The following DCUN1D4 variants were observed in gnomAD, a reference collection of about 807,000 sequenced individuals.
DCUN1D4 encodes defective in cullin neddylation 1 domain containing 4, also known as DCN1-like protein 4.
Under a neutral mutation model 47.9 loss-of-function variants are expected in DCUN1D4, and 22 were observed. The observed-to-expected ratio is 0.46, with a 90% CI of 0.33 to 0.66. The LOEUF is 0.66. DCUN1D4 is among the 30% of genes least tolerant of loss of function. DCUN1D4 has a pLI of 0.02. For synonymous variants in DCUN1D4, 121 were observed against 112.2 expected (o/e 1.08, Z -0.50); for missense variants, 301 against 340.8 (o/e 0.88, Z 0.92).
At chr4:51,852,649 A>G (rs1012550949) in intron 1 of DCUN1D4, among the ~76,000 whole-genome samples, 7 of 152,174 alleles carry the variant, frequency 4.6e-5, no homozygotes, top group Non-Finnish European at 7.3e-5. Context: ...CTACGTTCTA[A>G]ATAATAATAG....
chr4:51,871,593 A>G (rs983955423), intron 3 of DCUN1D4, among the ~76,000 whole-genome samples: 1 of 152,210 alleles, frequency 6.6e-6, no homozygotes, highest in Non-Finnish European at 1.5e-5. Context: ...CTAAGAACCA[A>G]ACCGTGACTG....
chr4:51,901,238 A>T (rs538758965), intron 8 of DCUN1D4, among the ~76,000 whole-genome samples: 96 of 152,224 alleles, frequency 6.3e-4, no homozygotes, highest in African/African-American at 2.1e-3. Flanking sequence ...TTCCCTGTGT[A>T]TACGACACAG....
At chr4:51,887,035 G>T (rs1729599222) in intron 6 of DCUN1D4, 1 of 451,498 alleles carries the variant, frequency 2.2e-6, no homozygotes, top group Non-Finnish European at 4.4e-6. Context: ...TCATGATTTT[G>T]AGTAGATTGT....
At chr4:51,843,511 T>G in intron 1 of DCUN1D4, 5 of 1,258,634 alleles carry the variant, frequency 4.0e-6, no homozygotes, top group Non-Finnish European at 5.0e-6. Context: ...GGGTGGGGAC[T>G]GGCTCTCTTT....
chr4:51,836,463 T>C, the DCUN1D4 span, among the ~76,000 whole-genome samples: 1 of 152,206 alleles, frequency 6.6e-6, no homozygotes, highest in East Asian at 1.9e-4. Flanking sequence ...CCAAATTTAT[T>C]TCTTTTTCAA....
chr4:51,875,225 T>C (rs533486289), intron 4 of DCUN1D4: 24 of 152,298 alleles, frequency 1.6e-4, no homozygotes, highest in Admixed American at 1.3e-3. Flanking sequence ...GAAAATATTA[T>C]CTGAAAGAAG....
At chr4:51,847,259 G>A (rs191408169) in intron 1 of DCUN1D4, among the ~76,000 whole-genome samples, 4 of 152,092 alleles carry the variant, frequency 2.6e-5, no homozygotes, top group African/African-American at 4.8e-5. Context: ...AAGAATTAGG[G>A]GTGACTTGCT....
upstream of DCUN1D4, among the ~76,000 whole-genome samples, chr4:51,841,240 T>TAA (rs574624011): frequency 3.4e-5 from 5 of 147,614 alleles, no homozygotes; most frequent in Admixed American, 6.8e-5. Context: ...TGGTAAACGG[T>TAA]AAAAAAAAAA....
chr4:51,841,748 A>G (rs894497493), upstream of DCUN1D4, among the ~76,000 whole-genome samples: 10 of 152,094 alleles, frequency 6.6e-5, no homozygotes, highest in African/African-American at 2.4e-4. Flanking sequence ...CCTTCCAAAT[A>G]GCATAACATT....
intron 5 of DCUN1D4, among the ~76,000 whole-genome samples, chr4:51,882,874 C>T (rs1728888657): frequency 6.6e-6 from 1 of 151,792 alleles, no homozygotes; most frequent in Non-Finnish European, 1.5e-5. Context: ...TACAAAGTAA[C>T]TTTCCCCCCC....
upstream of DCUN1D4, among the ~76,000 whole-genome samples, chr4:51,839,186 AGAAGGAAG>A (rs35432661): frequency 1.5e-4 from 21 of 141,542 alleles, no homozygotes; most frequent in East Asian, 1.3e-3. Context: ...GGAAGAAAGG[AGAAGGAAG>A]GAAGGAAGGA....
chr4:51,898,083 T>C (rs1731539407), intron 7 of DCUN1D4, among the ~76,000 whole-genome samples: 1 of 152,194 alleles, frequency 6.6e-6, no homozygotes, highest in African/African-American at 2.4e-5. Flanking sequence ...GTGAGGTCTT[T>C]AGAGATCATT....
At chr4:51,887,166 T>C (rs1455411802) in intron 6 of DCUN1D4, 1 of 445,624 alleles carries the variant, frequency 2.2e-6, no homozygotes, top group Non-Finnish European at 4.5e-6. Flanking sequence ...AATGGTATGA[T>C]GTCGGCTCAC....
At chr4:51,838,165 C>T (rs544388223), upstream of DCUN1D4, among the ~76,000 whole-genome samples, 10 of 152,196 alleles carry the variant, frequency 6.6e-5, no homozygotes, top group Non-Finnish European at 1.0e-4. Context: ...AGTGATATAT[C>T]GAAGTCGAGA....
upstream of DCUN1D4, among the ~76,000 whole-genome samples, chr4:51,839,477 C>T (rs913517676): frequency 2.8e-4 from 42 of 152,200 alleles, no homozygotes; most frequent in Non-Finnish European, 2.4e-4. Context: ...GAGTAGTGCC[C>T]GTCACATAGG....
chr4:51,867,490 C>T (rs1457908782), intron 3 of DCUN1D4, among the ~76,000 whole-genome samples: 1 of 152,124 alleles, frequency 6.6e-6, no homozygotes, highest in Non-Finnish European at 1.5e-5. Context: ...TGTAGAGGAG[C>T]TTCATTGAGT....
intron 7 of DCUN1D4, among the ~76,000 whole-genome samples, chr4:51,895,172 C>G (rs1731046290): frequency 6.6e-6 from 1 of 151,454 alleles, no homozygotes; most frequent in South Asian, 2.1e-4. Flanking sequence ...AACATTCAGA[C>G]CCTTCATTAT....
intron 6 of DCUN1D4, among the ~76,000 whole-genome samples, chr4:51,887,396 G>A (rs1274503695): frequency 3.9e-5 from 6 of 152,072 alleles, no homozygotes; most frequent in South Asian, 4.1e-4. Flanking sequence ...CACAGCACCC[G>A]GCCATGATTG....
At position 51,864,309 on chromosome 4, in the gene DCUN1D4, G is replaced by A. The variant is rs536534476; in HGVS notation, c.136+600G>A. On this transcript the variant is annotated intron_variant, in intron 3 of 10. Coordinates refer to ENST00000334635, the MANE Select transcript of DCUN1D4 (RefSeq NM_001040402.3). Reference sequence around the variant, plus strand: ...GTGATGCTGATGGAGCTGGTCTGGAGACCACTCTTTGAGAACCACTTCTCT... The same window carrying A: ...GTGATGCTGATGGAGCTGGTCTGGAAACCACTCTTTGAGAACCACTTCTCT... 9.2e-5 allele frequency among the ~76,000 whole-genome samples: 14 copies of A among 152,296 alleles called. No homozygotes were observed. The East Asian group carries it at 2.7e-3, about 29-fold the overall frequency.
Sources: gnomAD v4.1 joint callset for allele counts (sites outside exome capture counted in the v4.1 genomes callset) on GRCh38, gnomAD v4.1.1 for gene constraint, MANE v1.5 for transcripts, NCBI Gene and HGNC (gene_info 2026-07-23, HGNC 2026-07-21) for gene names.